SNX8: variants seen among roughly 807,000 people sequenced by gnomAD.
SNX8 encodes sorting nexin-8.
SNX8 carries 25 observed loss-of-function variants against 51.6 expected under a neutral mutation model. The observed-to-expected ratio is 0.48, with a 90% CI of 0.35 to 0.68. The LOEUF is 0.68. Ranked by LOEUF, SNX8 falls within the 30% of genes least tolerant of loss-of-function variation. SNX8 has a pLI of 0.00. For missense variants in SNX8, 695 were observed against 624.0 expected, an observed-to-expected ratio of 1.11 and a Z score of -1.21; for synonymous variants, 324 against 277.0, an observed-to-expected ratio of 1.17 and a Z score of -1.68.
chr7:2,354,039 G>A (rs1025435721), intron 1 of SNX8: 2 of 152,608 alleles, frequency 1.3e-5, no homozygotes, highest in East Asian at 1.9e-4. Flanking sequence ...GGTCCCTCCG[G>A]AGTCAGCCTC....
At chr7:2,275,009 C>T in intron 3 of SNX8, 103 bp downstream of exon 3, 1 of 816,832 alleles carries the variant, frequency 1.2e-6, no homozygotes, top group South Asian at 1.4e-5. Context: ...CAGCCCTGCA[C>T]CTGCCCCGGT....
intron 1 of SNX8, among the ~76,000 whole-genome samples, chr7:2,295,775 C>T (rs926897349): frequency 6.6e-6 from 1 of 152,000 alleles, no homozygotes. Context: ...TGAGAGCGAG[C>T]GACCCAGTTT....
At chr7:2,347,087 G>T (rs1779045816) in intron 1 of SNX8, among the ~76,000 whole-genome samples, 1 of 152,094 alleles carries the variant, frequency 6.6e-6, no homozygotes, top group Non-Finnish European at 1.5e-5. Flanking sequence ...AGCCATGGGA[G>T]CCTGAGGTAG....
Position 2,254,797 on chromosome 7 carries a change from A to G in SNX8, c.*259T>C. 1.8e-6 allele frequency: 1 copy of G among 549,470 alleles called. No homozygotes were observed. Among genetic ancestry groups the G allele is most frequent in the Non-Finnish European group, 3.3e-6 (1 of 306,366 alleles). The allele number at this position is 549,470 out of a possible 1,614,324, so 34.0% of individuals were successfully genotyped here. A position where few individuals can be genotyped will look rare whatever the true frequency, so the allele number is the denominator to read the frequency against. On this transcript the variant is annotated 3_prime_UTR_variant, in exon 11 of 11. Coordinates refer to ENST00000222990, the MANE Select transcript of SNX8 (RefSeq NM_013321.4). ...GCCTCCCCGCACAGCTCTGGGTGTC[A>G]GGAGGAAACCATTCCAGAGAACCCC... is the stretch of plus-strand genomic sequence containing the variant.
rs565344840 is a variant in SNX8, at chr7:2,304,539, A to G, written c.94+9789T>C. On this transcript the variant is annotated intron_variant, in intron 1 of 10. Coordinates refer to ENST00000222990, the MANE Select transcript of SNX8 (RefSeq NM_013321.4). ...AGCCTGGGCGACAGAGCGAGACTCC[A>G]TCTCAAAAAAAAAAAAAATTCCATC... 3.8e-4 allele frequency among the ~76,000 whole-genome samples: 57 copies of G among 151,690 alleles called. No homozygotes were observed. In the Middle Eastern group the frequency reaches 0.014, roughly 36 times the overall value.
At chr7:2,321,649 T>C (rs55739293) in intron 1 of SNX8, among the ~76,000 whole-genome samples, 43,218 of 148,784 alleles carry the variant, frequency 0.29, 6,478 homozygotes, top group Middle Eastern at 0.46. Flanking sequence ...CTCCTTACCT[T>C]GTGATCCGCC....
intron 5 of SNX8, among the ~76,000 whole-genome samples, chr7:2,268,608 G>T (rs1795553361): frequency 7.4e-6 from 1 of 134,758 alleles, no homozygotes; most frequent in African/African-American, 2.8e-5. Flanking sequence ...GGGGGGGTCA[G>T]CCCTCCGCCC....
At chr7:2,261,495 T>C (rs147539136) in intron 7 of SNX8, among the ~76,000 whole-genome samples, 26 of 152,344 alleles carry the variant, frequency 1.7e-4, no homozygotes, top group African/African-American at 5.8e-4. Flanking sequence ...TTGTATTTAA[T>C]TGATGGGGAA....
At chr7:2,296,796 G>T (rs546142706) in intron 1 of SNX8, among the ~76,000 whole-genome samples, 20 of 151,932 alleles carry the variant, frequency 1.3e-4, no homozygotes, top group Non-Finnish European at 2.8e-4. Context: ...CAGGCATGGT[G>T]GCGGACACCT....
At chr7:2,329,134 G>T (rs1778683667) in intron 1 of SNX8, among the ~76,000 whole-genome samples, 1 of 150,440 alleles carries the variant, frequency 6.6e-6, no homozygotes, top group Non-Finnish European at 1.5e-5. Context: ...AGCCAGGTGT[G>T]GTGGCAGGCA....
At chr7:2,315,938 GCATT>G (rs1209830799), upstream of SNX8, among the ~76,000 whole-genome samples, 2 of 139,476 alleles carry the variant, frequency 1.4e-5, no homozygotes, top group East Asian at 2.3e-4. Flanking sequence ...ACTGCATCCT[GCATT>G]CATTCATCCA....
intron 7 of SNX8, among the ~76,000 whole-genome samples, 170 bp downstream of exon 7, chr7:2,263,060 A>C (rs1049607568): frequency 6.6e-6 from 1 of 152,280 alleles, no homozygotes; most frequent in African/African-American, 2.4e-5. Flanking sequence ...CAGAGGTTGC[A>C]GCGAGCCGAG....
rs201773275 is a variant in SNX8, at chr7:2,333,087, TA to T, written c.-66+21134del. On this transcript the variant is annotated intron_variant, in intron 1 of 5. Transcript: ENST00000435336. Reference sequence around the variant, plus strand: ...AGTTCTTTTTTGTTTCTTTTAAATTTAAAAAAATAGAGACGGGGGTCTCACT... The same window carrying T: ...AGTTCTTTTTTGTTTCTTTTAAATTTAAAAAATAGAGACGGGGGTCTCACT... 4.3e-3 allele frequency among the ~76,000 whole-genome samples: 647 copies of T among 151,276 alleles called. 5 individuals are homozygous for T. Among genetic ancestry groups the T allele is most frequent in the African/African-American group, 0.014 (597 of 41,270 alleles).
chr7:2,273,903 A>T lies in SNX8; in HGVS notation c.418+1209T>A, dbSNP rs535500367. Among the ~76,000 whole-genome samples the T allele has an allele frequency of 5.1e-4, 69 of 134,652 alleles. No individual in the cohort carries two copies. In the East Asian group the frequency reaches 0.014, roughly 27 times the overall value. The allele number at this position is 134,652 out of a possible 152,430, so 88.3% of individuals were successfully genotyped here. On this transcript the variant is annotated intron_variant, in intron 3 of 10. Transcript: ENST00000222990. ...TGGGCGACAGAGCGAGACTCCATGTAAAAAAAAAAAAAAAACACCATAAAA... is the reference window on the plus strand; with the variant it reads ...TGGGCGACAGAGCGAGACTCCATGTTAAAAAAAAAAAAAAACACCATAAAA...
chr7:2,267,472 G>A (rs1226459843), intron 5 of SNX8, among the ~76,000 whole-genome samples: 94 of 130,870 alleles, frequency 7.2e-4, no homozygotes, highest in Admixed American at 5.5e-3. Flanking sequence ...GCAGGCACGC[G>A]CCGCCACGCC....
chr7:2,278,332 T>C (rs766762886), intron 1 of SNX8, 27 bp from the exon 2 acceptor site: 1 of 1,369,990 alleles, frequency 7.3e-7, no homozygotes, highest in Non-Finnish European at 1.0e-6. Flanking sequence ...GAATGACCAG[T>C]GAGAATAGCT....
chr7:2,270,195 A>C (rs1192527107), intron 4 of SNX8, among the ~76,000 whole-genome samples: 1 of 151,852 alleles, frequency 6.6e-6, no homozygotes, highest in Non-Finnish European at 1.5e-5. Flanking sequence ...GCCGTGCCTT[A>C]AAGTCAGGAG....
chr7:2,349,840 C>T (rs1369015328), intron 1 of SNX8, among the ~76,000 whole-genome samples: 1 of 152,174 alleles, frequency 6.6e-6, no homozygotes, highest in Non-Finnish European at 1.5e-5. Context: ...TCAAGCTATC[C>T]TCCTGCCTCA....
intron 3 of SNX8, among the ~76,000 whole-genome samples, chr7:2,273,001 T>C (rs1262762025): frequency 6.6e-6 from 1 of 151,862 alleles, no homozygotes; most frequent in African/African-American, 2.4e-5. Context: ...ACCTGGCTAA[T>C]GTTTATACTT....
Sources: gnomAD v4.1 joint callset for allele counts (sites outside exome capture counted in the v4.1 genomes callset) on GRCh38, gnomAD v4.1.1 for gene constraint, MANE v1.5 for transcripts, NCBI Gene and HGNC (gene_info 2026-07-23, HGNC 2026-07-21) for gene names.